MPO: variants seen among roughly 807,000 people sequenced by gnomAD.
MPO encodes myeloperoxidase.
A neutral mutation model predicts 69.4 loss-of-function variants in MPO; 57 were observed. The ratio of observed to expected loss-of-function variants is 0.82; its 90% CI spans 0.66 to 1.02. The LOEUF is 1.02. Ranked by LOEUF, MPO falls within the 50% of genes least tolerant of loss-of-function variation. MPO has a pLI of 0.00. For synonymous variants in MPO, 426 were observed against 417.1 expected, an observed-to-expected ratio of 1.02 and a Z score of -0.26; for missense variants, 971 against 1,014.1, an observed-to-expected ratio of 0.96 and a Z score of 0.58.
Position 58,271,719 on chromosome 17 carries a change from G to A in MPO, c.1966C>T (p.Arg656Cys), listed in dbSNP as rs752847035. 34 of 1,613,890 alleles carry A rather than the reference G, an allele frequency of 2.1e-5. No individual in the cohort carries two copies. Among genetic ancestry groups the A allele is most frequent in the Admixed American group, 3.3e-5 (2 of 60,010 alleles). ...GVSEPLKRKG[R>C]VGPLLACIIG... Reference sequence around the variant, plus strand: ...ATGCAGGCGAGGAGTGGGCCCACGCGGCCTTTGCGCTTCAGAGGCTCGGAC... The same window carrying A: ...ATGCAGGCGAGGAGTGGGCCCACGCAGCCTTTGCGCTTCAGAGGCTCGGAC... The change falls in exon 11 of 12, where the codon CGC becomes TGC. Residue 656 changes from arginine (R) to cysteine (C), a missense_variant. By Grantham distance (180) the Arg-to-Cys change is radical. Coordinates refer to ENST00000225275, the MANE Select transcript of MPO (RefSeq NM_000250.2).
rs561046918 is a variant in MPO at position 58,278,352 on chromosome 17, T to C, written c.886-207A>G. Among the ~76,000 whole-genome samples, 8 of 152,290 alleles carry C rather than the reference T, an allele frequency of 5.3e-5. No homozygotes were observed. In the East Asian group the frequency reaches 1.4e-3, roughly 26 times the overall value. ...TGAGCAGAACACTGAACTGGGAACC[T>C]GGGCAACCCCTGGGTCTGGGCACCG... On this transcript the variant is annotated intron_variant, in intron 6 of 11. Transcript: ENST00000225275.
Position 58,280,275 on chromosome 17 carries a change from C to T in MPO, c.248+91G>A, listed in dbSNP as rs1970499133. ...GTCCACATGGGTCCCCATAGTCCCC[C>T]TCTCCCACCTTCAAGCTCCCTGCTG... On this transcript the variant is annotated intron_variant, in intron 2 of 11. Coordinates refer to ENST00000225275, the MANE Select transcript of MPO (RefSeq NM_000250.2). The T allele has an allele frequency of 8.2e-6, 11 of 1,343,464 alleles. No homozygotes were observed. In the South Asian group the frequency reaches 1.3e-4, roughly 16 times the overall value. 83.2% of individuals were successfully genotyped at this position (1,343,464 alleles called of 1,614,324 possible).
chr17:58,276,759 G>T (rs1177006796), intron 7 of MPO, among the ~76,000 whole-genome samples: 1 of 152,196 alleles, frequency 6.6e-6, no homozygotes, highest in Non-Finnish European at 1.5e-5. Flanking sequence ...TCAGGAGGAG[G>T]CAGAGGGAGG....
chr17:58,270,827 C>T lies in MPO; in HGVS notation c.2067G>A (p.Gln689=). Residue 689 remains glutamine, a synonymous_variant, in exon 12 of 12, where the codon CAG becomes CAA. Transcript: ENST00000225275. This position sits in a 1 kb window ranked among gnomAD's most constrained non-coding sequence, Gnocchi z 4.1. ...AGATCTGGGCCAGGGCCTGTCGCTG[C>T]TGCATGCTGAACACACCCTCGTTCT... ...WWENEGVFSM[Q]QRQALAQISL... 6.2e-7 allele frequency: 1 copy of T among 1,613,880 alleles called. No homozygotes were observed. Among genetic ancestry groups the T allele is most frequent in the South Asian group, 1.1e-5 (1 of 91,068 alleles).
Position 58,279,290 on chromosome 17 carries a change from C to T in MPO, c.678+7G>A. 2 of 1,563,504 alleles carry T rather than the reference C, an allele frequency of 1.3e-6. No homozygotes were observed. The highest frequency in any genetic ancestry group is 1.4e-5 in the African/African-American group (1 of 73,924). On this transcript the variant is annotated splice_region_variant and intron_variant, in intron 5 of 11. Coordinates refer to ENST00000225275, the MANE Select transcript of MPO (RefSeq NM_000250.2). ...GGGCCTCGCCCCCTCTGCCCGCCGG[C>T]GCTCACCAGAGCCACCGGGAAGCCG...
Position 58,275,711 on chromosome 17 carries a change from G to A in MPO, c.1205-9C>T, listed in dbSNP as rs1970428088. 1 of 1,614,034 alleles carries A rather than the reference G, an allele frequency of 6.2e-7. No individual in the cohort carries two copies. The highest frequency in any genetic ancestry group is 1.7e-5 in the Admixed American group (1 of 59,988). ...ACTGGAACGGGTGTCCCCTTGGGGA[G>A]GCAAAAGCCACTGTCATTCTTAAGG... On this transcript the variant is annotated splice_polypyrimidine_tract_variant and intron_variant, in intron 7 of 11. Coordinates refer to ENST00000225275, the MANE Select transcript of MPO (RefSeq NM_000250.2). The surrounding 1 kb of genome is among the most constrained non-coding windows in gnomAD (Gnocchi z 4.1).
chr17:58,279,256 C>G lies in MPO; in HGVS notation c.678+41G>C, dbSNP rs1039867936. On this transcript the variant is annotated intron_variant, in intron 5 of 11. Transcript: ENST00000225275. ...TCAGCTGGCGCCTGGGTCCGCGCAC[C>G]GCGTGGCCGGGCCTCGCCCCCTCTG... The G allele has an allele frequency of 3.2e-6, 5 of 1,568,420 alleles. No individual in the cohort carries two copies. In the Admixed American group the frequency reaches 5.6e-5, roughly 18 times the overall value.
chr17:58,279,321 C>T lies in MPO; in HGVS notation c.654G>A (p.Lys218=). 6.4e-7 allele frequency: 1 copy of T among 1,570,450 alleles called. No homozygotes were observed. The change falls in exon 5 of 12, where the codon AAG becomes AAA. Residue 218 remains lysine, a synonymous_variant. Coordinates refer to ENST00000225275, the MANE Select transcript of MPO (RefSeq NM_000250.2). ...SLPYGWTPGV[K]RNGFPVALAR... is the part of the protein sequence containing the mutation. ...CCAGAGCCACCGGGAAGCCGTTGCG[C>T]TTGACCCCGGGCGTCCAGCCGTAGG...
rs1283057698 is a variant in MPO, at chr17:58,273,626, G to A, written c.1409C>T (p.Thr470Met). The A allele has an allele frequency of 9.9e-6, 16 of 1,614,102 alleles. No individual in the cohort carries two copies. Among genetic ancestry groups the A allele is most frequent in the African/African-American group, 2.7e-5 (2 of 74,924 alleles). ...CGTGGGCAGGTACTTCCTCATGGCCGTTGGCCCCAGCACCAGGGGCAGGTA... is the reference window on the plus strand; with the variant it reads ...CGTGGGCAGGTACTTCCTCATGGCCATTGGCCCCAGCACCAGGGGCAGGTA... ...RDYLPLVLGPTAMRKYLPTYR... is the reference protein window; with the variant it reads ...RDYLPLVLGPMAMRKYLPTYR... Residue 470 changes from threonine (T) to methionine (M), a missense_variant, in exon 9 of 12, where the codon ACG becomes ATG. Transcript: ENST00000225275.
chr17:58,278,069 C>T lies in MPO; in HGVS notation c.962G>A (p.Gly321Glu), dbSNP rs1182063319. Reference protein sequence around the residue: ...PFFRSCPACPGSNITIRNQIN... With the variant: ...PFFRSCPACPESNITIRNQIN... Reference sequence around the variant, plus strand: ...CTGGTTGCGGATGGTGATGTTGCTCCCGGGGCAAGCCGGGCAGGAGCGGAA... The same window carrying T: ...CTGGTTGCGGATGGTGATGTTGCTCTCGGGGCAAGCCGGGCAGGAGCGGAA... Residue 321 changes from glycine (G) to glutamate (E), a missense_variant, in exon 7 of 12, where the codon GGG becomes GAG. Physicochemically the swap from Gly to Glu is moderately conservative, Grantham distance 98 (BLOSUM62 -2). Transcript: ENST00000225275. 1.2e-6 allele frequency: 2 copies of T among 1,611,656 alleles called. No individual in the cohort carries two copies. The highest frequency in any genetic ancestry group is 1.7e-6 in the Non-Finnish European group (2 of 1,180,034).
At chr17:58,278,415 T>C (rs1970466881) in intron 6 of MPO, among the ~76,000 whole-genome samples, 1 of 151,940 alleles carries the variant, frequency 6.6e-6, no homozygotes, top group South Asian at 2.1e-4. Flanking sequence ...GCGTCGCCCG[T>C]CTCTCTCCCC....
intron 8 of MPO, chr17:58,274,349 T>A (rs1442691045): frequency 4.1e-5 from 1 of 24,202 alleles, no homozygotes; most frequent in Non-Finnish European, 1.4e-4. Flanking sequence ...AATCTAGGAG[T>A]GTGTGTGTGT....
At position 58,278,099 on chromosome 17, in the gene MPO, G is replaced by A. The variant is rs141929667; in HGVS notation, c.932C>T (p.Pro311Leu). 2 of 1,607,552 alleles carry A rather than the reference G, an allele frequency of 1.2e-6. No homozygotes were observed. Among genetic ancestry groups the A allele is most frequent in the African/African-American group, 1.3e-5 (1 of 74,932 alleles). ...PRIKNQADCI[P>L]FFRSCPACPG... ...GCAAGCCGGGCAGGAGCGGAAGAAC[G>A]GGATGCAGTCGGCTTGGTTCTTGAT... is the stretch of plus-strand genomic sequence containing the variant. Residue 311 changes from proline to leucine, a missense_variant, in exon 7 of 12, where the codon CCG becomes CTG. Coordinates refer to ENST00000225275, the MANE Select transcript of MPO (RefSeq NM_000250.2).
intron 8 of MPO, 74 bp from the exon 9 acceptor site, chr17:58,273,743 G>T: frequency 1.2e-6 from 2 of 1,606,662 alleles, no homozygotes; most frequent in Non-Finnish European, 1.7e-6. Context: ...GCACAGGAGG[G>T]CCAGAGTCTC....
At chr17:58,278,710 A>T in intron 6 of MPO, 1 of 525,470 alleles carries the variant, frequency 1.9e-6, no homozygotes. Context: ...CTCCCAACCT[A>T]ACAAAGAGCC....
At chr17:58,276,980 C>T (rs1313201081) in intron 7 of MPO, among the ~76,000 whole-genome samples, 7 of 151,934 alleles carry the variant, frequency 4.6e-5, no homozygotes, top group South Asian at 2.1e-4. Context: ...TGGTGGCAGG[C>T]GCCTGTAGTC....
Position 58,271,000 on chromosome 17 carries a change from T to TCCTG in MPO, c.2031-138_2031-137insCAGG. On this transcript the variant is annotated intron_variant, in intron 11 of 11. Transcript: ENST00000225275. The surrounding 1 kb of genome is among the most constrained non-coding windows in gnomAD (Gnocchi z 4.1). Reference sequence around the variant, plus strand: ...GGAAGCACAGGAGGGCCCCAGGCCCTTGGGCAGCCCAGGGGCTTTCACACA... The same window carrying TCCTG: ...GGAAGCACAGGAGGGCCCCAGGCCCTCCTGTGGGCAGCCCAGGGGCTTTCACACA... 1.1e-6 allele frequency: 1 copy of TCCTG among 893,736 alleles called. No homozygotes were observed. Among genetic ancestry groups the TCCTG allele is most frequent in the South Asian group, 1.4e-5 (1 of 69,222 alleles). 55.4% of individuals were successfully genotyped at this position (893,736 alleles called of 1,614,324 possible). A position where few individuals can be genotyped will look rare whatever the true frequency, so the allele number is the denominator to read the frequency against.
At position 58,271,629 on chromosome 17, in the gene MPO, G is replaced by A. The variant is rs374533886; in HGVS notation, c.2030+26C>T. ...AAGGATGGGCCCACAGCCACCCAGC[G>A]GCCCACGACGCCTGCCCCTCCTCAC... On this transcript the variant is annotated intron_variant, in intron 11 of 11. Transcript: ENST00000225275. The A allele has an allele frequency of 7.0e-5, 113 of 1,609,672 alleles. 1 individual carries two copies. Among genetic ancestry groups the A allele is most frequent in the South Asian group, 2.3e-4 (21 of 90,970 alleles).
At chr17:58,274,161 G>C (rs757745196) in intron 8 of MPO, 5 of 497,784 alleles carry the variant, frequency 1.0e-5, no homozygotes, top group Non-Finnish European at 2.0e-5. Flanking sequence ...AAAGCAGGGA[G>C]GCAGGAAGGA....
Sources: allele counts gnomAD v4.1 joint callset (sites outside exome capture counted in the v4.1 genomes callset), GRCh38; gene constraint gnomAD v4.1.1; non-coding constraint Gnocchi (gnomAD v3.1); transcripts MANE v1.5; gene names NCBI Gene and HGNC (gene_info 2026-07-23, HGNC 2026-07-21).